The following CFAP20DC variants were observed in gnomAD, a reference collection of about 807,000 sequenced individuals.
CFAP20DC encodes the protein protein CFAP20DC.
CFAP20DC carries 84 observed loss-of-function variants against 101.7 expected under a neutral mutation model. That is an observed-to-expected ratio of 0.83 (90% CI 0.69 to 0.99). The LOEUF (loss-of-function observed/expected upper bound fraction) is 0.99. Ranked by LOEUF, CFAP20DC falls within the 50% of genes least tolerant of loss-of-function variation. CFAP20DC has a pLI of 0.00. For synonymous variants in CFAP20DC, 359 were observed against 351.2 expected (o/e 1.02, Z -0.25); for missense variants, 1,007 against 970.3 (o/e 1.04, Z -0.50).
rs760554791 is a variant in CFAP20DC at position 58,768,394 on chromosome 3, G to A, written c.2238-14531C>T. Among the ~76,000 whole-genome samples, 3 of 152,174 alleles carry A rather than the reference G, an allele frequency of 2.0e-5. No individual in the cohort carries two copies. In the South Asian group the frequency reaches 6.2e-4, roughly 32 times the overall value. ...GAATTAATTGGAAAACTGGGAAGAG[G>A]AAACCAGTTTGGGATGATGGAAGTG... On this transcript the variant is annotated intron_variant, in intron 15 of 16. Coordinates refer to ENST00000482387, the MANE Select transcript of CFAP20DC (RefSeq NM_001394063.1).
chr3:59,047,246 T>C lies in CFAP20DC; in HGVS notation c.30A>G (p.Ala10=), dbSNP rs953563368. 2.0e-6 allele frequency: 3 copies of C among 1,530,738 alleles called. No homozygotes were observed. The South Asian group carries it at 3.6e-5, about 18-fold the overall frequency. 94.8% of individuals were successfully genotyped at this position (1,530,738 alleles called of 1,614,324 possible). Residue 10 remains alanine (A), a synonymous_variant, in exon 2 of 17, where the codon GCA becomes GCG. Transcript: ENST00000482387. MFKNEYQGG[A]FVEIFSAQGK... ...CTTGAGCACTGAAAATTTCAACAAATGCACCTCCCTAGAAAATGAAAATAA... is the reference window on the plus strand; with the variant it reads ...CTTGAGCACTGAAAATTTCAACAAACGCACCTCCCTAGAAAATGAAAATAA...
chr3:58,931,842 C>A (rs1354551769), intron 5 of CFAP20DC, among the ~76,000 whole-genome samples: 1 of 152,178 alleles, frequency 6.6e-6, no homozygotes, highest in East Asian at 1.9e-4. Context: ...AGCACAAAGA[C>A]TGGAAACTCT....
chr3:58,966,069 A>AAGTAC (rs1347444155), intron 4 of CFAP20DC, among the ~76,000 whole-genome samples: 1 of 152,216 alleles, frequency 6.6e-6, no homozygotes, highest in African/African-American at 2.4e-5. Context: ...AGTATCAGTA[A>AAGTAC]AGTACAGGGC....
chr3:58,841,403 T>C lies in CFAP20DC; in HGVS notation c.1971+7629A>G, dbSNP rs374279265. On this transcript the variant is annotated intron_variant, in intron 13 of 16. Coordinates refer to ENST00000482387, the MANE Select transcript of CFAP20DC (RefSeq NM_001394063.1). ...GGCAGAATTTTATATAATGAAGCAA[T>C]GCTTTAAAAATACTAAAATAATTTA... 8.5e-5 allele frequency among the ~76,000 whole-genome samples: 13 copies of C among 152,356 alleles called. 1 individual carries two copies. Among genetic ancestry groups the C allele is most frequent in the African/African-American group, 2.9e-4 (12 of 41,590 alleles).
At chr3:58,895,003 C>A (rs527495582) in intron 6 of CFAP20DC, among the ~76,000 whole-genome samples, 1 of 152,354 alleles carries the variant, frequency 6.6e-6, no homozygotes, top group South Asian at 2.1e-4. Context: ...AGCTGGGTCA[C>A]AGGGCACCAA....
At chr3:59,027,427 C>G (rs760420712) in intron 4 of CFAP20DC, among the ~76,000 whole-genome samples, 4 of 152,150 alleles carry the variant, frequency 2.6e-5, no homozygotes, top group Non-Finnish European at 5.9e-5. Context: ...CCTCTCCAAA[C>G]AGCACATGAT....
intron 6 of CFAP20DC, among the ~76,000 whole-genome samples, chr3:58,888,618 T>G (rs1207524376): frequency 2.0e-5 from 3 of 152,150 alleles, no homozygotes; most frequent in African/African-American, 7.2e-5. Context: ...TGTCCACGTG[T>G]TCTCATCATT....
At chr3:58,867,709 T>C in intron 10 of CFAP20DC, 108 bp downstream of exon 10, 1 of 1,337,642 alleles carries the variant, frequency 7.5e-7, no homozygotes, top group Non-Finnish European at 1.0e-6. Flanking sequence ...GACATTTATA[T>C]TTTAAATGGA....
Position 58,874,808 on chromosome 3 carries a change from G to A in CFAP20DC, c.716-4499C>T, listed in dbSNP as rs1461188344. ...CCATGGGATTCTCTAATTAATGTGT[G>A]CTTCAGTAGACATAAACTCAGTGGC... On this transcript the variant is annotated intron_variant, in intron 7 of 16. Transcript: ENST00000482387. This position sits in a 1 kb window ranked among gnomAD's most constrained non-coding sequence, Gnocchi z 5.1. Among the ~76,000 whole-genome samples, 1 of 152,112 alleles carries A rather than the reference G, an allele frequency of 6.6e-6. No homozygotes were observed. The highest frequency in any genetic ancestry group is 1.5e-5 in the Non-Finnish European group (1 of 68,012).
At chr3:58,750,181 A>T (rs2068470320) in intron 16 of CFAP20DC, among the ~76,000 whole-genome samples, 1 of 152,150 alleles carries the variant, frequency 6.6e-6, no homozygotes, top group Admixed American at 6.5e-5. Context: ...GGAACCTCTG[A>T]CTCAAGGGCC....
chr3:58,781,422 T>C (rs1406262243), intron 15 of CFAP20DC, among the ~76,000 whole-genome samples: 1 of 151,534 alleles, frequency 6.6e-6, no homozygotes. Context: ...AATCTAAAAT[T>C]AATAGAAGGA....
chr3:58,934,459 G>A lies in CFAP20DC; in HGVS notation c.393+3189C>T, dbSNP rs572622570. Among the ~76,000 whole-genome samples, 77 of 152,212 alleles carry A rather than the reference G, an allele frequency of 5.1e-4. 1 individual carries two copies. Among genetic ancestry groups the A allele is most frequent in the African/African-American group, 1.8e-3 (76 of 41,524 alleles). On this transcript the variant is annotated intron_variant, in intron 5 of 16. Transcript: ENST00000482387. ...CATCCTGATACCAAAGCTGGGCAGAGACACAACCAAAAAAGAGAATTTTAG... is the reference window on the plus strand; with the variant it reads ...CATCCTGATACCAAAGCTGGGCAGAAACACAACCAAAAAAGAGAATTTTAG...
At chr3:59,016,684 A>T (rs1485257633) in intron 4 of CFAP20DC, among the ~76,000 whole-genome samples, 2 of 152,066 alleles carry the variant, frequency 1.3e-5, no homozygotes, top group African/African-American at 4.8e-5. Context: ...AAAAAGGTTT[A>T]AAAACAGTTT....
At chr3:58,918,096 A>AT (rs2084933952) in intron 5 of CFAP20DC, among the ~76,000 whole-genome samples, 1 of 152,090 alleles carries the variant, frequency 6.6e-6, no homozygotes, top group Admixed American at 6.6e-5. Context: ...CATTCTCTGC[A>AT]TTTTTCTAAG....
At chr3:58,957,366 G>A (rs1244715690) in intron 4 of CFAP20DC, among the ~76,000 whole-genome samples, 1 of 152,144 alleles carries the variant, frequency 6.6e-6, no homozygotes, top group Non-Finnish European at 1.5e-5. Flanking sequence ...TGCTATCAAG[G>A]ATGTGGAGAA....
chr3:58,941,160 C>T (rs2107834755), intron 4 of CFAP20DC, among the ~76,000 whole-genome samples: 1 of 151,764 alleles, frequency 6.6e-6, no homozygotes, highest in Non-Finnish European at 1.5e-5. Flanking sequence ...GAAACCTCGT[C>T]TCTACTAAAA....
chr3:58,828,187 C>G (rs2108009599), intron 14 of CFAP20DC, among the ~76,000 whole-genome samples: 1 of 152,024 alleles, frequency 6.6e-6, no homozygotes, highest in Non-Finnish European at 1.5e-5. Flanking sequence ...AAGGCTTTAC[C>G]TAATGAAGAG....
intron 16 of CFAP20DC, among the ~76,000 whole-genome samples, chr3:58,747,015 A>G (rs947799755): frequency 6.6e-6 from 1 of 152,206 alleles, no homozygotes; most frequent in African/African-American, 2.4e-5. Flanking sequence ...ATTCTTGGAT[A>G]GAGCTGAGTT....
At chr3:58,842,295 C>G (rs1234036077) in intron 13 of CFAP20DC, among the ~76,000 whole-genome samples, 1 of 152,014 alleles carries the variant, frequency 6.6e-6, no homozygotes, top group African/African-American at 2.4e-5. Context: ...TGGGCGCAGG[C>G]CAGTGGGTGC....
Sources: allele counts gnomAD v4.1 joint callset (sites outside exome capture counted in the v4.1 genomes callset), GRCh38; gene constraint gnomAD v4.1.1; non-coding constraint Gnocchi (gnomAD v3.1); transcripts MANE v1.5; gene names NCBI Gene and HGNC (gene_info 2026-07-23, HGNC 2026-07-21).